Variants in PCDH15 observed in about 807,000 individuals in gnomAD.
PCDH15 encodes protocadherin-15.
In PCDH15, 129 loss-of-function variants were observed where a neutral mutation model predicts 178.5. The ratio of observed to expected loss-of-function variants is 0.72; its 90% confidence interval spans 0.63 to 0.84. PCDH15 has a LOEUF of 0.84. PCDH15 is among the 40% of genes least tolerant of loss of function. The pLI is 0.00. For missense variants in PCDH15, 2,230 were observed against 2,099.9 expected (o/e 1.06, Z -1.21); for synonymous variants, 800 against 732.0 (o/e 1.09, Z -1.50).
At chr10:54,465,168 G>A (rs1336715856) in intron 3 of PCDH15, among the ~76,000 whole-genome samples, 1 of 152,028 alleles carries the variant, frequency 6.6e-6, no homozygotes, top group Non-Finnish European at 1.5e-5. Context: ...CAGGGGACAT[G>A]TGATTTTTTT....
At chr10:55,537,735 A>G (rs1384996863) in intron 2 of PCDH15, among the ~76,000 whole-genome samples, 2 of 152,040 alleles carry the variant, frequency 1.3e-5, no homozygotes, top group African/African-American at 2.4e-5. Context: ...GCCCGGCCAC[A>G]CCTGCTATTT....
chr10:54,354,148 G>A (rs1050385585), intron 5 of PCDH15, among the ~76,000 whole-genome samples: 11 of 152,096 alleles, frequency 7.2e-5, no homozygotes, highest in African/African-American at 1.9e-4. Flanking sequence ...ACCACGCCTG[G>A]CTAATTTTGT....
At chr10:55,600,208 C>CA (rs906927724) in intron 2 of PCDH15, among the ~76,000 whole-genome samples, 4 of 151,844 alleles carry the variant, frequency 2.6e-5, no homozygotes, top group African/African-American at 9.7e-5. Context: ...ACTAAAAATA[C>CA]AAAAAATTAG....
chr10:55,432,202 G>T lies in PCDH15; in HGVS notation c.-156+195423C>A, dbSNP rs189015416. 1.7e-3 allele frequency among the ~76,000 whole-genome samples: 263 copies of T among 151,946 alleles called. 5 individuals are homozygous for T. The highest frequency in any genetic ancestry group is 0.016 in the Admixed American group (243 of 15,230). On this transcript the variant is annotated intron_variant, in intron 2 of 5. Coordinates refer to the PCDH15 transcript ENST00000613346. ...GAATTGGAAGAAAGTAAAGGACAAGGCATATGGATATTTTGCAAAACAGAA... is the reference window on the plus strand; with the variant it reads ...GAATTGGAAGAAAGTAAAGGACAAGTCATATGGATATTTTGCAAAACAGAA...
chr10:55,093,947 G>A (rs927678515), intron 2 of PCDH15, among the ~76,000 whole-genome samples: 2 of 152,066 alleles, frequency 1.3e-5, no homozygotes, highest in African/African-American at 4.8e-5. Context: ...GTTGGTGGGA[G>A]TGTAAACTAG....
At chr10:53,838,870 G>T (rs1440612155) in intron 29 of PCDH15, among the ~76,000 whole-genome samples, 5 of 151,722 alleles carry the variant, frequency 3.3e-5, no homozygotes, top group Non-Finnish European at 5.9e-5. Context: ...TTCCTCCACG[G>T]TTAGTATCCT....
chr10:54,175,871 CTACCTATGATATAGGTATGATAAT>C (rs2047381815), intron 13 of PCDH15, among the ~76,000 whole-genome samples: 1 of 152,012 alleles, frequency 6.6e-6, no homozygotes, highest in Non-Finnish European at 1.5e-5. Flanking sequence ...TATAGAATAA[CTACCTATGATATAGGTATGATAAT>C]TACCTATGAT....
chr10:55,126,873 T>A (rs1051395472), intron 2 of PCDH15, among the ~76,000 whole-genome samples: 3 of 149,468 alleles, frequency 2.0e-5, no homozygotes, highest in Admixed American at 6.8e-5. Flanking sequence ...ACAATTGCCT[T>A]AAATACAAAA....
At chr10:54,136,504 G>T (rs934314512) in intron 14 of PCDH15, among the ~76,000 whole-genome samples, 5 of 151,904 alleles carry the variant, frequency 3.3e-5, no homozygotes, top group African/African-American at 1.2e-4. Context: ...CAGTTTACTG[G>T]TCAAGAATAC....
intron 3 of PCDH15, among the ~76,000 whole-genome samples, chr10:54,386,953 A>G (rs1225193287): frequency 2.6e-5 from 4 of 152,332 alleles, no homozygotes; most frequent in Non-Finnish European, 5.9e-5. Flanking sequence ...TATAGTTAAT[A>G]ACAATATATT....
chr10:55,456,640 A>C (rs1839560362), intron 2 of PCDH15, among the ~76,000 whole-genome samples: 1 of 152,068 alleles, frequency 6.6e-6, no homozygotes, highest in Non-Finnish European at 1.5e-5. Context: ...ATATTTTCAA[A>C]ATATATTTTG....
At chr10:55,625,317 AG>A (rs1350796873) in intron 2 of PCDH15, among the ~76,000 whole-genome samples, 3 of 152,186 alleles carry the variant, frequency 2.0e-5, no homozygotes, top group Non-Finnish European at 4.4e-5. Context: ...CATTGATAGA[AG>A]AAAACAAGAA....
At chr10:54,827,465 G>T (rs1953150987) in intron 3 of PCDH15, among the ~76,000 whole-genome samples, 1 of 152,026 alleles carries the variant, frequency 6.6e-6, no homozygotes, top group Non-Finnish European at 1.5e-5. Flanking sequence ...GGTCTTAAAA[G>T]TGTCTTCATT....
At chr10:54,698,864 T>C (rs1306259395) in intron 1 of PCDH15, among the ~76,000 whole-genome samples, 1 of 152,148 alleles carries the variant, frequency 6.6e-6, no homozygotes, top group Non-Finnish European at 1.5e-5. Context: ...ATTGCCAGTG[T>C]CATTTGTGTA....
intron 2 of PCDH15, among the ~76,000 whole-genome samples, chr10:54,901,454 A>T (rs1214636939): frequency 1.3e-5 from 2 of 152,132 alleles, no homozygotes; most frequent in Non-Finnish European, 2.9e-5. Context: ...TTTATAAGAC[A>T]CAGATAATTT....
chr10:54,260,890 C>T (rs1050707631), intron 8 of PCDH15, among the ~76,000 whole-genome samples: 2 of 152,290 alleles, frequency 1.3e-5, no homozygotes, highest in Non-Finnish European at 2.9e-5. Flanking sequence ...ACGTTGGCCT[C>T]CCAAAGTGTG....
At chr10:53,853,896 C>CA (rs1373265738) in intron 28 of PCDH15, among the ~76,000 whole-genome samples, 1 of 151,916 alleles carries the variant, frequency 6.6e-6, no homozygotes, top group Non-Finnish European at 1.5e-5. Context: ...TATGATTTAG[C>CA]AATCCCACTT....
intron 8 of PCDH15, among the ~76,000 whole-genome samples, chr10:54,258,820 GA>G (rs910206662): frequency 1.3e-5 from 2 of 151,800 alleles, no homozygotes; most frequent in East Asian, 1.9e-4. Context: ...ATAATATTGT[GA>G]AAAAAACAAT....
intron 18 of PCDH15, among the ~76,000 whole-genome samples, chr10:54,024,100 A>C (rs926202219): frequency 4.6e-5 from 7 of 152,168 alleles, no homozygotes; most frequent in Admixed American, 2.6e-4. Flanking sequence ...TGAAAATTTG[A>C]AGTCATGTAA....
Sources: allele counts gnomAD v4.1 joint callset (sites outside exome capture counted in the v4.1 genomes callset), GRCh38; gene constraint gnomAD v4.1.1; transcripts MANE v1.5; gene names NCBI Gene and HGNC (gene_info 2026-07-23, HGNC 2026-07-21).